LINGO2: variants seen among roughly 807,000 people sequenced by gnomAD.
LINGO2 encodes the protein leucine rich repeat and Ig domain containing 2, also known as leucine-rich repeat and immunoglobulin-like domain-containing nogo receptor-interacting protein 2.
A neutral mutation model predicts 30.6 loss-of-function variants in LINGO2; 14 were observed. The ratio of observed to expected loss-of-function variants is 0.46; its 90% CI spans 0.30 to 0.72. LINGO2 has a LOEUF of 0.72. LINGO2 is among the 30% of genes least tolerant of loss of function. LINGO2 has a pLI of 0.07. For synonymous variants in LINGO2, 317 were observed against 288.5 expected (o/e 1.10, Z -1.00); for missense variants, 729 against 751.7 (o/e 0.97, Z 0.35).
chr9:28,094,890 A>T (rs574272813), intron 4 of LINGO2, among the ~76,000 whole-genome samples: 4 of 152,230 alleles, frequency 2.6e-5, no homozygotes, highest in Admixed American at 6.5e-5. Flanking sequence ...TTAGAAGCAT[A>T]ATGCACTCTA....
intron 3 of LINGO2, among the ~76,000 whole-genome samples, chr9:28,359,096 C>A (rs553370626): frequency 6.6e-6 from 1 of 152,050 alleles, no homozygotes; most frequent in Non-Finnish European, 1.5e-5. Context: ...TTTACCTAAC[C>A]CAAACTTCTA....
the LINGO2 span, among the ~76,000 whole-genome samples, chr9:28,863,873 T>C: frequency 6.6e-6 from 1 of 152,118 alleles, no homozygotes; most frequent in Non-Finnish European, 1.5e-5. Flanking sequence ...ACATTTATTT[T>C]AAGTAAATAA....
intron 5 of LINGO2, among the ~76,000 whole-genome samples, chr9:27,971,449 C>G (rs1820351640): frequency 6.6e-6 from 1 of 152,122 alleles, no homozygotes; most frequent in South Asian, 2.1e-4. Context: ...TGGCCATGAT[C>G]TGGACTTGCT....
the LINGO2 span, among the ~76,000 whole-genome samples, chr9:28,843,968 A>G: frequency 6.6e-6 from 1 of 151,824 alleles, no homozygotes; most frequent in Admixed American, 6.6e-5. Context: ...ATCTATCTGA[A>G]TCCACTATGC....
At chr9:28,848,383 GTGTGTGTGTGTGTGTATA>G in the LINGO2 span, among the ~76,000 whole-genome samples, 3 of 56,552 alleles carry the variant, frequency 5.3e-5, no homozygotes, top group South Asian at 9.1e-4. Context: ...GTGTGTGTGT[GTGTGTGTGTGTGTGTATA>G]TATATATATA....
the LINGO2 span, among the ~76,000 whole-genome samples, chr9:29,125,437 A>G: frequency 6.6e-6 from 1 of 151,898 alleles, no homozygotes; most frequent in Non-Finnish European, 1.5e-5. Context: ...TTAAAAATAT[A>G]TATATATACA....
chr9:28,999,256 T>C, the LINGO2 span, among the ~76,000 whole-genome samples: 2 of 152,036 alleles, frequency 1.3e-5, no homozygotes, highest in Non-Finnish European at 2.9e-5. Flanking sequence ...CTCTATCTGA[T>C]CAGAGCCAAA....
chr9:27,990,462 A>ACCG (rs1554650618), intron 5 of LINGO2, among the ~76,000 whole-genome samples: 8 of 117,968 alleles, frequency 6.8e-5, no homozygotes, highest in South Asian at 3.0e-4. Context: ...TGGTCTCAAT[A>ACCG]CCCCCCCCCC....
chr9:28,366,788 A>T (rs1022376022), intron 3 of LINGO2, among the ~76,000 whole-genome samples: 46 of 152,236 alleles, frequency 3.0e-4, no homozygotes, highest in African/African-American at 7.7e-4. Context: ...TTATGAAAGT[A>T]ATACAGATTA....
intron 2 of LINGO2, among the ~76,000 whole-genome samples, chr9:28,387,212 T>G (rs568568204): frequency 4.6e-5 from 7 of 151,750 alleles, no homozygotes; most frequent in South Asian, 4.2e-4. Flanking sequence ...GCACTCTGTG[T>G]CTTGCTAAAG....
At chr9:28,517,003 T>C (rs10491886) in intron 1 of LINGO2, among the ~76,000 whole-genome samples, 100,821 of 152,032 alleles carry the variant, frequency 0.66, 34,383 homozygotes, top group Non-Finnish European at 0.77. Flanking sequence ...TGGCAATACA[T>C]ACAACTTGGT....
the LINGO2 span, among the ~76,000 whole-genome samples, chr9:29,075,872 T>G: frequency 9.2e-5 from 14 of 152,130 alleles, no homozygotes; most frequent in Admixed American, 7.9e-4. Flanking sequence ...GCTACATGAA[T>G]GCTAAGCTAT....
the LINGO2 span, among the ~76,000 whole-genome samples, chr9:28,700,005 T>A: frequency 6.6e-6 from 1 of 152,030 alleles, no homozygotes; most frequent in East Asian, 1.9e-4. Flanking sequence ...CCTGGCCCTG[T>A]TTCCTCAGAA....
chr9:28,730,206 A>T, the LINGO2 span, among the ~76,000 whole-genome samples: 1 of 152,152 alleles, frequency 6.6e-6, no homozygotes, highest in African/African-American at 2.4e-5. Context: ...ATCCAGCATA[A>T]GTGAGATAAG....
intron 4 of LINGO2, among the ~76,000 whole-genome samples, chr9:28,066,418 C>A (rs1250415594): frequency 6.6e-6 from 1 of 152,058 alleles, no homozygotes; most frequent in African/African-American, 2.4e-5. Context: ...CAGAATGAGA[C>A]CATGATCTCA....
chr9:28,568,015 T>C (rs10812844), intron 1 of LINGO2, among the ~76,000 whole-genome samples: 19,256 of 151,840 alleles, frequency 0.13, 1,358 homozygotes, highest in East Asian at 0.26. Flanking sequence ...GAAATTCCTA[T>C]AGACCAGCCA....
chr9:28,837,412 G>T, the LINGO2 span, among the ~76,000 whole-genome samples: 1 of 151,494 alleles, frequency 6.6e-6, no homozygotes, highest in South Asian at 2.1e-4. Context: ...TTGGGAGGCC[G>T]AGGCGGGTGG....
intron 1 of LINGO2, among the ~76,000 whole-genome samples, chr9:28,622,167 T>G (rs575492889): frequency 2.6e-5 from 4 of 152,020 alleles, no homozygotes; most frequent in African/African-American, 7.2e-5. Context: ...GTTATATTAT[T>G]TTAGTTATTT....
intron 3 of LINGO2, among the ~76,000 whole-genome samples, chr9:28,355,959 T>G (rs1438811653): frequency 6.6e-6 from 1 of 152,132 alleles, no homozygotes; most frequent in Non-Finnish European, 1.5e-5. Context: ...AACTGAGAGA[T>G]TATGTGATTT....
Sources: allele counts gnomAD v4.1 joint callset (sites outside exome capture counted in the v4.1 genomes callset), GRCh38; gene constraint gnomAD v4.1.1; transcripts MANE v1.5; gene names NCBI Gene and HGNC (gene_info 2026-07-23, HGNC 2026-07-21).